The following RABGAP1L variants were observed in gnomAD, a reference collection of about 807,000 sequenced individuals.
The protein encoded by RABGAP1L is RAB GTPase activating protein 1 like.
A neutral mutation model predicts 137.7 loss-of-function variants in RABGAP1L; 63 were observed. The ratio of observed to expected loss-of-function variants is 0.46; its 90% CI spans 0.37 to 0.56. The LOEUF (loss-of-function observed/expected upper bound fraction) is 0.56, where lower values mean the gene tolerates loss of function less well. Ranked by LOEUF, RABGAP1L falls within the 20% of genes least tolerant of loss-of-function variation. The pLI is 0.00. For synonymous variants in RABGAP1L, 431 were observed against 433.7 expected (o/e 0.99, Z 0.08); for missense variants, 1,095 against 1,244.0 (o/e 0.88, Z 1.80).
At chr1:174,989,429 G>A (rs533623389) in intron 25 of RABGAP1L, among the ~76,000 whole-genome samples, 1 of 152,140 alleles carries the variant, frequency 6.6e-6, no homozygotes, top group African/African-American at 2.4e-5. Context: ...CTTCCACCAT[G>A]TGTCTGCTCT....
intron 5 of RABGAP1L, among the ~76,000 whole-genome samples, chr1:174,249,767 C>T (rs542510257): frequency 7.2e-5 from 11 of 151,810 alleles, no homozygotes; most frequent in Non-Finnish European, 1.3e-4. Context: ...TTCAGCCTCC[C>T]GAGTAGCTAG....
chr1:174,754,150 G>C (rs1684543326), intron 18 of RABGAP1L, among the ~76,000 whole-genome samples: 1 of 152,136 alleles, frequency 6.6e-6, no homozygotes, highest in South Asian at 2.1e-4. Context: ...GTCTTCTTTA[G>C]CAATACATGG....
chr1:174,452,899 T>C (rs1655601680), intron 13 of RABGAP1L, among the ~76,000 whole-genome samples: 1 of 152,130 alleles, frequency 6.6e-6, no homozygotes, highest in Non-Finnish European at 1.5e-5. Context: ...GTGCCATATT[T>C]ATTAACATCA....
chr1:174,912,912 AGACAGTACT>A (rs1413622952), intron 19 of RABGAP1L, among the ~76,000 whole-genome samples: 4 of 152,054 alleles, frequency 2.6e-5, no homozygotes, highest in Non-Finnish European at 4.4e-5. Flanking sequence ...TATATGGCAC[AGACAGTACT>A]CTTGGTTGTA....
intron 13 of RABGAP1L, 78 bp from the exon 14 acceptor site, chr1:174,637,296 GT>G: frequency 2.0e-6 from 2 of 986,592 alleles, no homozygotes; most frequent in East Asian, 2.5e-5. Flanking sequence ...TGCTGTTTGA[GT>G]TTTTTACCAT....
intron 13 of RABGAP1L, among the ~76,000 whole-genome samples, chr1:174,575,221 T>C (rs1450691792): frequency 6.6e-6 from 1 of 152,200 alleles, no homozygotes; most frequent in Admixed American, 6.5e-5. Flanking sequence ...TGAGCCATCA[T>C]GCCTGGCCTC....
intron 24 of RABGAP1L, among the ~76,000 whole-genome samples, chr1:174,987,854 G>A (rs1011600799): frequency 6.6e-6 from 1 of 152,116 alleles, no homozygotes; most frequent in African/African-American, 2.4e-5. Flanking sequence ...CTCTCGCCCA[G>A]GCTGGAGTGC....
intron 19 of RABGAP1L, among the ~76,000 whole-genome samples, chr1:174,842,297 C>T (rs1039108510): frequency 6.6e-6 from 1 of 152,168 alleles, no homozygotes; most frequent in Non-Finnish European, 1.5e-5. Context: ...CCTTCAGAAG[C>T]ACTGATAACC....
intron 13 of RABGAP1L, among the ~76,000 whole-genome samples, chr1:174,444,069 G>A (rs556231686): frequency 6.6e-6 from 1 of 151,506 alleles, no homozygotes; most frequent in South Asian, 2.1e-4. Flanking sequence ...TGCTGTTTTG[G>A]TTACTATAAC....
At chr1:174,420,672 G>GTTTTTTTT (rs1340488223) in intron 13 of RABGAP1L, among the ~76,000 whole-genome samples, 1 of 123,758 alleles carries the variant, frequency 8.1e-6, no homozygotes. Context: ...GATTCTGGGT[G>GTTTTTTTT]TTTTGTTTTT....
chr1:174,513,517 G>A (rs1019794365), intron 13 of RABGAP1L, among the ~76,000 whole-genome samples: 2 of 152,120 alleles, frequency 1.3e-5, no homozygotes, highest in African/African-American at 4.8e-5. Context: ...AGAGGCTGAG[G>A]TAGAAAGATC....
chr1:174,965,217 ATGTAAGCAGTGTCTCC>A (rs71775174), intron 20 of RABGAP1L, among the ~76,000 whole-genome samples: 16,402 of 152,186 alleles, frequency 0.11, 971 homozygotes, highest in East Asian at 0.23. Flanking sequence ...TTTAAGAGTT[ATGTAAGCAGTGTCTCC>A]TGTAATCTTT....
intron 13 of RABGAP1L, among the ~76,000 whole-genome samples, chr1:174,628,187 A>G (rs1572587874): frequency 6.6e-6 from 1 of 152,172 alleles, no homozygotes; most frequent in East Asian, 1.9e-4. Context: ...TGTTGCTTTT[A>G]TGAATGGATT....
At chr1:174,780,813 A>G (rs529641251) in intron 18 of RABGAP1L, among the ~76,000 whole-genome samples, 67 of 147,734 alleles carry the variant, frequency 4.5e-4, no homozygotes, top group African/African-American at 1.6e-3. Context: ...GAGTGAGAAC[A>G]TGCGGTGTTT....
At chr1:174,882,862 G>A (rs1157782314) in intron 19 of RABGAP1L, among the ~76,000 whole-genome samples, 1 of 151,572 alleles carries the variant, frequency 6.6e-6, no homozygotes, top group Non-Finnish European at 1.5e-5. Context: ...GTGTGGCTCT[G>A]CCACCCAGGC....
intron 14 of RABGAP1L, among the ~76,000 whole-genome samples, chr1:174,645,106 T>A (rs1674854906): frequency 6.6e-6 from 1 of 152,162 alleles, no homozygotes; most frequent in Non-Finnish European, 1.5e-5. Flanking sequence ...AGATGATAGA[T>A]ATGTTACTCT....
intron 13 of RABGAP1L, among the ~76,000 whole-genome samples, chr1:174,577,480 A>T (rs1429794981): frequency 1.3e-5 from 2 of 152,106 alleles, no homozygotes; most frequent in Non-Finnish European, 2.9e-5. Context: ...TGTAAGTGCT[A>T]TGTTAAGTGT....
chr1:174,712,344 G>T (rs1048384056), intron 17 of RABGAP1L, among the ~76,000 whole-genome samples: 1 of 152,192 alleles, frequency 6.6e-6, no homozygotes, highest in Non-Finnish European at 1.5e-5. Context: ...GACTCACTGC[G>T]AAGGTCTGCA....
chr1:174,393,826 A>G (rs1316329360), intron 12 of RABGAP1L, among the ~76,000 whole-genome samples, 169 bp from the exon 13 acceptor site: 1 of 152,220 alleles, frequency 6.6e-6, no homozygotes, highest in Non-Finnish European at 1.5e-5. Context: ...CAATAAAAAA[A>G]TTGAAGATAT....
Sources: gnomAD v4.1 joint callset for allele counts (sites outside exome capture counted in the v4.1 genomes callset) on GRCh38, gnomAD v4.1.1 for gene constraint, MANE v1.5 for transcripts, NCBI Gene and HGNC (gene_info 2026-07-23, HGNC 2026-07-21) for gene names.